The following KLRF1 variants were observed in gnomAD, a reference collection of about 807,000 sequenced individuals.
KLRF1 encodes killer cell lectin like receptor F1.
Under a neutral mutation model 30.7 loss-of-function variants are expected in KLRF1, and 27 were observed. That is an observed-to-expected ratio of 0.88 (90% CI 0.65 to 1.21). The LOEUF is 1.21. KLRF1 is among the 50% of genes most tolerant of loss of function. KLRF1 has a pLI of 0.00. For synonymous variants in KLRF1, 92 were observed against 89.3 expected (o/e 1.03, Z -0.17); for missense variants, 246 against 259.3 (o/e 0.95, Z 0.35).
chr12:9,834,739 T>TA (rs1867531892), intron 3 of KLRF1, among the ~76,000 whole-genome samples: 1 of 152,166 alleles, frequency 6.6e-6, no homozygotes, highest in South Asian at 2.1e-4. Flanking sequence ...GCGTTCAGCA[T>TA]AATTACTTGC....
intron 2 of KLRF1, among the ~76,000 whole-genome samples, chr12:9,832,738 T>C (rs747135858): frequency 1.3e-5 from 2 of 151,944 alleles, no homozygotes; most frequent in Non-Finnish European, 2.9e-5. Context: ...GTTTCTTGGA[T>C]ACTTTAATAG....
chr12:9,817,924 C>G, the KLRF1 span: 1 of 202,196 alleles, frequency 4.9e-6, no homozygotes, highest in Non-Finnish European at 1.1e-5. Context: ...AGACAGCAGC[C>G]TCATCCAGCT....
rs967892726 is a variant in KLRF1 at position 9,844,489 on chromosome 12, C to G, written c.659C>G (p.Thr220Ser). The G allele has an allele frequency of 1.2e-6, 2 of 1,608,758 alleles. No homozygotes were observed. Among genetic ancestry groups the G allele is most frequent in the African/African-American group, 2.7e-5 (2 of 74,854 alleles). ...AIKESKIFSE[T>S]CSSVFKWICQ... ...AAGGAAAGCAAAATTTTCTCTGAAA[C>G]CTGCAGCAGTGTTTTCAAATGGATT... The change falls in exon 6 of 6, where the codon ACC becomes AGC. Residue 220 changes from threonine to serine, a missense_variant. Transcript: ENST00000617889.
At chr12:9,838,607 C>T (rs1365477935) in intron 3 of KLRF1, among the ~76,000 whole-genome samples, 1 of 152,090 alleles carries the variant, frequency 6.6e-6, no homozygotes, top group Non-Finnish European at 1.5e-5. Flanking sequence ...AAGATACCAA[C>T]CAAGGCAAAG....
the KLRF1 span, among the ~76,000 whole-genome samples, chr12:9,813,509 A>C: frequency 6.6e-6 from 1 of 152,058 alleles, no homozygotes; most frequent in Non-Finnish European, 1.5e-5. Context: ...ACAAGGTCGC[A>C]ATTTCGACTC....
At chr12:9,800,559 T>C in the KLRF1 span, among the ~76,000 whole-genome samples, 2 of 151,984 alleles carry the variant, frequency 1.3e-5, no homozygotes, top group Admixed American at 6.6e-5. Flanking sequence ...TGAGAACATA[T>C]AGTAATTGGT....
At chr12:9,817,884 A>C in the KLRF1 span, 1 of 189,734 alleles carries the variant, frequency 5.3e-6, no homozygotes, top group Middle Eastern at 5.4e-4. Context: ...GATCATGCTC[A>C]ACCAGCATCA....
chr12:9,817,272 T>C, the KLRF1 span: 1 of 185,330 alleles, frequency 5.4e-6, no homozygotes, highest in South Asian at 1.1e-4. Context: ...CTAACACTTC[T>C]TACCAGTAAA....
At chr12:9,816,292 A>G in the KLRF1 span, among the ~76,000 whole-genome samples, 3 of 152,216 alleles carry the variant, frequency 2.0e-5, no homozygotes, top group Non-Finnish European at 4.4e-5. Flanking sequence ...AAAGGAGACA[A>G]TTTTCAAGTG....
chr12:9,815,636 G>C, the KLRF1 span, among the ~76,000 whole-genome samples: 1 of 152,220 alleles, frequency 6.6e-6, no homozygotes, highest in East Asian at 1.9e-4. Flanking sequence ...TTGGATCCAA[G>C]TTATTGGTGT....
chr12:9,826,905 A>G (rs1374534264), upstream of KLRF1, among the ~76,000 whole-genome samples: 3 of 152,152 alleles, frequency 2.0e-5, no homozygotes, highest in African/African-American at 7.2e-5. Flanking sequence ...AGGATCAGAA[A>G]AACATAACTA....
chr12:9,800,452 C>T, the KLRF1 span, among the ~76,000 whole-genome samples: 1 of 151,928 alleles, frequency 6.6e-6, no homozygotes, highest in Non-Finnish European at 1.5e-5. Context: ...GTTTTTTATT[C>T]CAAAACCCCT....
intron 3 of KLRF1, among the ~76,000 whole-genome samples, chr12:9,840,031 G>A (rs756132575): frequency 1.3e-5 from 2 of 152,096 alleles, no homozygotes; most frequent in Non-Finnish European, 2.9e-5. Context: ...ATAGAATGTA[G>A]TACTGATACA....
intron 3 of KLRF1, among the ~76,000 whole-genome samples, chr12:9,837,306 A>G (rs1214795002): frequency 6.6e-6 from 1 of 151,884 alleles, no homozygotes; most frequent in Non-Finnish European, 1.5e-5. Context: ...TCCATTGTGC[A>G]TGTATATCTA....
At chr12:9,818,231 C>T in the KLRF1 span, among the ~76,000 whole-genome samples, 7 of 152,188 alleles carry the variant, frequency 4.6e-5, no homozygotes, top group African/African-American at 1.7e-4. Flanking sequence ...ACCCGTGGTT[C>T]TCATCACTGC....
intron 3 of KLRF1, among the ~76,000 whole-genome samples, chr12:9,840,390 C>G (rs974579650): frequency 6.6e-6 from 1 of 151,916 alleles, no homozygotes; most frequent in Non-Finnish European, 1.5e-5. Context: ...TAAAAAGAGA[C>G]AGATTGTAAT....
Position 9,841,808 on chromosome 12 carries a change from G to T in KLRF1, c.335-4G>T. On this transcript the variant is annotated splice_region_variant and splice_polypyrimidine_tract_variant and intron_variant, in intron 3 of 5. Transcript: ENST00000617889. ...TTCATTTTGTTTTCTACATTTCTCTGTAGTACTATGCCAATCAGAATGGCT... is the reference window on the plus strand; with the variant it reads ...TTCATTTTGTTTTCTACATTTCTCTTTAGTACTATGCCAATCAGAATGGCT... 6.3e-7 allele frequency: 1 copy of T among 1,597,618 alleles called. No homozygotes were observed. The highest frequency in any genetic ancestry group is 8.5e-7 in the Non-Finnish European group (1 of 1,171,064).
the KLRF1 span, among the ~76,000 whole-genome samples, chr12:9,806,007 T>A: frequency 1.3e-5 from 2 of 151,962 alleles, no homozygotes; most frequent in South Asian, 4.1e-4. Context: ...TTGATTTCTA[T>A]TCTCTATTTC....
chr12:9,818,987 C>T, the KLRF1 span, among the ~76,000 whole-genome samples: 1 of 152,142 alleles, frequency 6.6e-6, no homozygotes, highest in Non-Finnish European at 1.5e-5. Context: ...GGACGACTGC[C>T]CACCCGGGAG....
Sources: gnomAD v4.1 joint callset for allele counts (sites outside exome capture counted in the v4.1 genomes callset) on GRCh38, gnomAD v4.1.1 for gene constraint, MANE v1.5 for transcripts, NCBI Gene and HGNC (gene_info 2026-07-23, HGNC 2026-07-21) for gene names.